The following EML4 variants were observed in gnomAD, a reference collection of about 807,000 sequenced individuals.
The protein encoded by EML4 is echinoderm microtubule-associated protein-like 4.
In EML4, 72 loss-of-function variants were observed where a neutral mutation model predicts 129.0. That is an observed-to-expected ratio of 0.56 (90% CI 0.46 to 0.68). The LOEUF is 0.68. EML4 is among the 30% of genes least tolerant of loss of function. The pLI is 0.00. For synonymous variants in EML4, 532 were observed against 405.0 expected (o/e 1.31, Z -3.77); for missense variants, 1,363 against 1,190.6 (o/e 1.14, Z -2.13).
chr2:42,202,517 G>C (rs1672290944), intron 1 of EML4, among the ~76,000 whole-genome samples: 1 of 152,174 alleles, frequency 6.6e-6, no homozygotes, highest in Non-Finnish European at 1.5e-5. Context: ...CACAAAGTGA[G>C]GTTTCACAAT....
chr2:42,201,226 C>G (rs904828030), intron 1 of EML4, among the ~76,000 whole-genome samples: 1 of 152,164 alleles, frequency 6.6e-6, no homozygotes, highest in African/African-American at 2.4e-5. Flanking sequence ...ACTAATTTAT[C>G]AGGCATCACT....
chr2:42,224,525 T>G (rs1391180797), intron 1 of EML4, among the ~76,000 whole-genome samples: 1 of 152,080 alleles, frequency 6.6e-6, no homozygotes, highest in African/African-American at 2.4e-5. Flanking sequence ...ATGGGCAAGT[T>G]TTTATGTGGT....
At chr2:42,294,777 C>T (rs1046922751) in intron 11 of EML4, among the ~76,000 whole-genome samples, 30 of 151,880 alleles carry the variant, frequency 2.0e-4, no homozygotes, top group African/African-American at 7.2e-4. Flanking sequence ...TTCTTTCTTT[C>T]AATACAAATA....
chr2:42,317,955 T>TAA (rs1301570753), intron 19 of EML4, among the ~76,000 whole-genome samples: 1 of 152,176 alleles, frequency 6.6e-6, no homozygotes, highest in Non-Finnish European at 1.5e-5. Flanking sequence ...TGTCTGCATT[T>TAA]AAGAGAGTTA....
At chr2:42,221,470 T>C (rs561446871) in intron 1 of EML4, among the ~76,000 whole-genome samples, 4 of 144,142 alleles carry the variant, frequency 2.8e-5, no homozygotes, top group East Asian at 4.6e-4. Context: ...AGCGCAGTAG[T>C]GCTATCATGG....
intron 11 of EML4, among the ~76,000 whole-genome samples, chr2:42,292,983 A>G (rs191442941): frequency 2.0e-4 from 30 of 152,274 alleles, no homozygotes; most frequent in African/African-American, 7.0e-4. Context: ...CTGAGTGAAA[A>G]CTAAAGACTG....
At chr2:42,325,111 C>A in intron 19 of EML4, 1 of 458,462 alleles carries the variant, frequency 2.2e-6, no homozygotes, top group Non-Finnish European at 4.4e-6. Flanking sequence ...ACACTTCATT[C>A]TCAAAAATGG....
At chr2:42,248,617 C>G (rs1034056965) in intron 2 of EML4, among the ~76,000 whole-genome samples, 2 of 151,764 alleles carry the variant, frequency 1.3e-5, no homozygotes, top group African/African-American at 4.8e-5. Context: ...GCCACAGAAC[C>G]ATCTCTGTGG....
At chr2:42,193,913 G>T (rs1671752799) in intron 1 of EML4, among the ~76,000 whole-genome samples, 1 of 152,080 alleles carries the variant, frequency 6.6e-6, no homozygotes, top group Non-Finnish European at 1.5e-5. Context: ...TGGAACTCCT[G>T]GGCTCAAGTG....
chr2:42,213,941 T>C (rs1673025877), intron 1 of EML4, among the ~76,000 whole-genome samples: 1 of 152,208 alleles, frequency 6.6e-6, no homozygotes, highest in African/African-American at 2.4e-5. Flanking sequence ...ATTTTAAAAT[T>C]AATTCCATCA....
At chr2:42,173,469 GCTAGCA>G (rs1304644823) in intron 1 of EML4, among the ~76,000 whole-genome samples, 1 of 152,144 alleles carries the variant, frequency 6.6e-6, no homozygotes, top group Non-Finnish European at 1.5e-5. Flanking sequence ...TCGAACATGG[GCTAGCA>G]CTATGCTTGG....
At chr2:42,173,036 A>G (rs1670367288) in intron 1 of EML4, among the ~76,000 whole-genome samples, 1 of 152,216 alleles carries the variant, frequency 6.6e-6, no homozygotes, top group Non-Finnish European at 1.5e-5. Context: ...AAGAAAAATC[A>G]TAGTGAATGA....
chr2:42,271,900 T>A (rs1054014151), intron 6 of EML4, among the ~76,000 whole-genome samples: 1 of 151,976 alleles, frequency 6.6e-6, no homozygotes, highest in African/African-American at 2.4e-5. Context: ...GTCAGGAGTT[T>A]GAGACCAGCC....
At chr2:42,194,346 T>C (rs538482796) in intron 1 of EML4, among the ~76,000 whole-genome samples, 13 of 106,334 alleles carry the variant, frequency 1.2e-4, no homozygotes, top group African/African-American at 4.6e-4. Flanking sequence ...TCTCTCTCTC[T>C]CTTTTTTTTT....
chr2:42,273,742 A>T (rs1219240104), intron 6 of EML4, among the ~76,000 whole-genome samples: 1 of 152,174 alleles, frequency 6.6e-6, no homozygotes, highest in Non-Finnish European at 1.5e-5. Flanking sequence ...AAGTACTGGA[A>T]CTAAAAATTT....
In EML4 at chr2:42,215,952, G is replaced by A. The variant is rs573660680; in HGVS notation, c.26-29553G>A. On this transcript the variant is annotated intron_variant, in intron 1 of 22. Coordinates refer to ENST00000318522, the MANE Select transcript of EML4 (RefSeq NM_019063.5). ...TTCTTTTTTTTTGAAACGGAGTCTA[G>A]CTCTGTCACCCAGGGTAGAGTGCAG... Among the ~76,000 whole-genome samples, 4 of 151,260 alleles carry A rather than the reference G, an allele frequency of 2.6e-5. No homozygotes were observed. In the East Asian group the frequency reaches 7.8e-4, roughly 29 times the overall value.
chr2:42,271,255 C>T (rs2104425137), intron 6 of EML4, among the ~76,000 whole-genome samples: 1 of 152,350 alleles, frequency 6.6e-6, no homozygotes, highest in Non-Finnish European at 1.5e-5. Flanking sequence ...TGGATCCCTA[C>T]ATCTGGGCTT....
At chr2:42,171,209 A>G (rs1313952887) in intron 1 of EML4, among the ~76,000 whole-genome samples, 1 of 152,156 alleles carries the variant, frequency 6.6e-6, no homozygotes, top group Non-Finnish European at 1.5e-5. Context: ...TGGACCGAAA[A>G]ACTTGTCCTA....
chr2:42,229,533 G>C (rs1312410046), intron 1 of EML4, among the ~76,000 whole-genome samples: 2 of 152,022 alleles, frequency 1.3e-5, no homozygotes. Flanking sequence ...ACAGATAACT[G>C]TCTTGCAAGA....
Sources: gnomAD v4.1 joint callset for allele counts (sites outside exome capture counted in the v4.1 genomes callset) on GRCh38, gnomAD v4.1.1 for gene constraint, MANE v1.5 for transcripts, NCBI Gene and HGNC (gene_info 2026-07-23, HGNC 2026-07-21) for gene names.